Variants in MNS1 observed in about 807,000 individuals in gnomAD.
MNS1 encodes meiosis specific nuclear structural 1, also known as meiosis-specific nuclear structural protein 1.
Under a neutral mutation model 72.0 loss-of-function variants are expected in MNS1, and 63 were observed. The observed-to-expected ratio is 0.87, with a 90% CI of 0.71 to 1.08. The LOEUF (loss-of-function observed/expected upper bound fraction) is 1.08, where lower values mean the gene tolerates loss of function less well. Among genes scored for constraint, MNS1 ranks in the 50% least tolerant of loss-of-function variants. MNS1 has a pLI of 0.00. For missense variants in MNS1, 604 were observed against 562.4 expected (o/e 1.07, Z -0.75); for synonymous variants, 188 against 172.1 (o/e 1.09, Z -0.72).
chr15:56,446,957 CA>C lies in MNS1; in HGVS notation c.354-15del. On this transcript the variant is annotated splice_polypyrimidine_tract_variant and intron_variant, in intron 3 of 9. Coordinates refer to ENST00000260453, the MANE Select transcript of MNS1 (RefSeq NM_018365.4). The stretch of plus-strand genomic sequence containing the variant: ...CTAAGCTCAATGCTGTTTAAAAAAA[CA>C]AAAACAAATTTAAATGTTAGGACCA... 1 of 1,571,024 alleles carries C rather than the reference CA, an allele frequency of 6.4e-7. No individual in the cohort carries two copies. Among genetic ancestry groups the C allele is most frequent in the Non-Finnish European group, 8.7e-7 (1 of 1,149,680 alleles).
rs1276831257 is a variant in MNS1 at position 56,465,082 on chromosome 15, G to C, written c.-110C>G. Reference sequence around the variant, plus strand: ...CGCACCTGGCTGCGCGCGCTCGGGTGTTTACGCGGCGTCTTGGCAACGGTG... The same window carrying C: ...CGCACCTGGCTGCGCGCGCTCGGGTCTTTACGCGGCGTCTTGGCAACGGTG... On this transcript the variant is annotated 5_prime_UTR_variant, in exon 1 of 10. Coordinates refer to ENST00000260453, the MANE Select transcript of MNS1 (RefSeq NM_018365.4). 2.0e-6 allele frequency: 3 copies of C among 1,472,658 alleles called. No homozygotes were observed. The Admixed American group carries it at 6.3e-5, about 31-fold the overall frequency. The allele number at this position is 1,472,658 out of a possible 1,614,324, so 91.2% of individuals were successfully genotyped here.
intron 2 of MNS1, among the ~76,000 whole-genome samples, chr15:56,460,003 AAAAAAAATAC>A (rs1348506347): frequency 3.0e-5 from 1 of 32,860 alleles, no homozygotes; most frequent in African/African-American, 1.1e-4. Flanking sequence ...AAAAAAAAAA[AAAAAAAATAC>A]ATATATATAT....
chr15:56,443,537 A>T lies in MNS1; in HGVS notation c.904T>A (p.Leu302Met), dbSNP rs1194682463. Residue 302 changes from leucine to methionine, a missense_variant and splice_region_variant, in exon 7 of 10, where the codon TTG becomes ATG. By Grantham distance (15) the Leu-to-Met change is conservative. Transcript: ENST00000260453. ...AGCATTTCTTCTAATTTCTGTGTCAACTATTAAATTTTTTAAAAAACATAA... is the reference window on the plus strand; with the variant it reads ...AGCATTTCTTCTAATTTCTGTGTCATCTATTAAATTTTTTAAAAAACATAA... Reference protein sequence around the residue: ...EEKRLQLQNALTQKLEEMLRQ... With the variant: ...EEKRLQLQNAMTQKLEEMLRQ... 1 of 1,582,092 alleles carries T rather than the reference A, an allele frequency of 6.3e-7. No individual in the cohort carries two copies. The highest frequency in any genetic ancestry group is 1.4e-5 in the African/African-American group (1 of 72,828).
intron 2 of MNS1, among the ~76,000 whole-genome samples, chr15:56,457,639 T>G (rs185516794): frequency 6.6e-6 from 1 of 151,908 alleles, no homozygotes; most frequent in African/African-American, 2.4e-5. Flanking sequence ...CTGGGCAACA[T>G]AGAGAGGTGC....
At chr15:56,456,596 A>G in intron 2 of MNS1, 75 bp from the exon 3 acceptor site, 1 of 1,493,296 alleles carries the variant, frequency 6.7e-7, no homozygotes, top group East Asian at 2.3e-5. Flanking sequence ...TTTGTTTTAT[A>G]ACAGAAAACT....
chr15:56,438,524 C>A (rs1180343303), intron 7 of MNS1, among the ~76,000 whole-genome samples: 2 of 151,978 alleles, frequency 1.3e-5, no homozygotes, highest in Non-Finnish European at 2.9e-5. Context: ...CATGTTAGAC[C>A]TAAAACCATA....
At position 56,429,184 on chromosome 15, in the gene MNS1, T is replaced by A. The variant is rs200992458; in HGVS notation, c.1405A>T (p.Lys469Ter). The A allele has an allele frequency of 1.0e-5, 16 of 1,589,908 alleles. No homozygotes were observed. In the East Asian group the frequency reaches 1.1e-4, roughly 11 times the overall value. Reference protein sequence around the residue: ...LLGYLPKGVFKKEDDIDLLGE... With the variant: ...LLGYLPKGVF ...AGCAGATCAATATCATCCTCTTTTTTAAATACTCCCTACGAGAAAAATACT... is the reference window on the plus strand; with the variant it reads ...AGCAGATCAATATCATCCTCTTTTTAAAATACTCCCTACGAGAAAAATACT... The change falls in exon 10 of 10, where the codon AAA becomes TAA. Residue 469 changes from lysine (K) to a stop codon, truncating the protein, a stop_gained. Coordinates refer to ENST00000260453, the MANE Select transcript of MNS1 (RefSeq NM_018365.4). LOFTEE classifies it high-confidence loss of function.
chr15:56,451,352 G>C (rs1013006594), intron 3 of MNS1, among the ~76,000 whole-genome samples: 1 of 152,208 alleles, frequency 6.6e-6, no homozygotes, highest in African/African-American at 2.4e-5. Flanking sequence ...TGAGGAAAGG[G>C]CAAGTGAAGA....
At chr15:56,432,024 G>C (rs1190372546) in intron 8 of MNS1, among the ~76,000 whole-genome samples, 1 of 152,068 alleles carries the variant, frequency 6.6e-6, no homozygotes, top group East Asian at 1.9e-4. Context: ...CTTGAACTAC[G>C]TGAAAGAACA....
chr15:56,454,000 T>C (rs112079200), intron 3 of MNS1, among the ~76,000 whole-genome samples: 174 of 152,300 alleles, frequency 1.1e-3, no homozygotes, highest in African/African-American at 3.9e-3. Flanking sequence ...CAATTTGAAA[T>C]ACAGTCCATT....
At chr15:56,435,473 G>C (rs1469659542) in intron 7 of MNS1, among the ~76,000 whole-genome samples, 1 of 151,616 alleles carries the variant, frequency 6.6e-6, no homozygotes, top group Non-Finnish European at 1.5e-5. Context: ...ACTAATATCA[G>C]GAATAAAACA....
At chr15:56,463,451 G>A (rs1240667019) in intron 2 of MNS1, among the ~76,000 whole-genome samples, 5 of 152,062 alleles carry the variant, frequency 3.3e-5, no homozygotes, top group Admixed American at 1.3e-4. Flanking sequence ...CTAAGTAGGA[G>A]GTACTATTCT....
chr15:56,452,418 G>T (rs2050953376), intron 3 of MNS1, among the ~76,000 whole-genome samples: 4 of 152,072 alleles, frequency 2.6e-5, no homozygotes, highest in Admixed American at 2.6e-4. Flanking sequence ...TCTTATTGGG[G>T]GTGGTAACTT....
intron 7 of MNS1, among the ~76,000 whole-genome samples, chr15:56,441,696 C>T (rs773622863): frequency 2.6e-5 from 4 of 152,048 alleles, no homozygotes; most frequent in Non-Finnish European, 5.9e-5. Flanking sequence ...ATCTAAGGAA[C>T]GTAAACAAAT....
At chr15:56,434,039 T>C in intron 8 of MNS1, 99 bp downstream of exon 8, 2 of 1,292,466 alleles carry the variant, frequency 1.5e-6, no homozygotes, top group Non-Finnish European at 2.1e-6. Flanking sequence ...ACTAACATTG[T>C]CTGGCATATA....
At chr15:56,462,332 T>G (rs1284368113) in intron 2 of MNS1, among the ~76,000 whole-genome samples, 1 of 152,186 alleles carries the variant, frequency 6.6e-6, no homozygotes, top group Admixed American at 6.5e-5. Flanking sequence ...CCAGACTGTC[T>G]TCCTAAACCC....
intron 2 of MNS1, among the ~76,000 whole-genome samples, chr15:56,462,268 T>C (rs2140385037): frequency 6.6e-6 from 1 of 152,254 alleles, no homozygotes; most frequent in East Asian, 1.9e-4. Flanking sequence ...AAAGAAAAAA[T>C]TCTTTTGTGA....
At chr15:56,446,088 T>G (rs2050899816) in intron 4 of MNS1, 1 of 152,038 alleles carries the variant, frequency 6.6e-6, no homozygotes, top group African/African-American at 2.4e-5. Context: ...CTATTCTTAA[T>G]TGATACCCAT....
chr15:56,442,727 G>A (rs2050840011), intron 7 of MNS1, among the ~76,000 whole-genome samples: 2 of 151,982 alleles, frequency 1.3e-5, no homozygotes, highest in Admixed American at 6.6e-5. Flanking sequence ...CAGACACTGG[G>A]GCCTACTTGA....
Sources: gnomAD v4.1 joint callset for allele counts (sites outside exome capture counted in the v4.1 genomes callset) on GRCh38, gnomAD v4.1.1 for gene constraint, MANE v1.5 for transcripts, NCBI Gene and HGNC (gene_info 2026-07-23, HGNC 2026-07-21) for gene names.